Variants in C2CD3 observed in about 807,000 individuals in gnomAD.
The protein encoded by C2CD3 is C2 domain containing 3 centriole elongation regulator.
A neutral mutation model predicts 234.0 loss-of-function variants in C2CD3; 148 were observed. That is an observed-to-expected ratio of 0.63 (90% CI 0.55 to 0.72). The LOEUF (loss-of-function observed/expected upper bound fraction) is 0.72. Ranked by LOEUF, C2CD3 falls within the 30% of genes least tolerant of loss-of-function variation. C2CD3 has a pLI of 0.00. For synonymous variants in C2CD3, 1,000 were observed against 1,035.4 expected (o/e 0.97, Z 0.66); for missense variants, 2,577 against 2,811.5 (o/e 0.92, Z 1.89).
At chr11:74,077,700 CA>C (rs763284576) in intron 23 of C2CD3, among the ~76,000 whole-genome samples, 3 of 144,788 alleles carry the variant, frequency 2.1e-5, no homozygotes, top group Non-Finnish European at 3.0e-5. Flanking sequence ...ATGGGTGCAG[CA>C]AACCACCATG....
chr11:74,046,658 T>C lies in C2CD3; in HGVS notation c.5495+1547A>G, dbSNP rs1484886366. Reference sequence around the variant, plus strand: ...GTACTCTTTTTCGTCTAGCTTCTCTTCCTCAGCATAATTATTTTTATATTC... The same window carrying C: ...GTACTCTTTTTCGTCTAGCTTCTCTCCCTCAGCATAATTATTTTTATATTC... On this transcript the variant is annotated intron_variant, in intron 28 of 32. Transcript: ENST00000334126. 5.3e-5 allele frequency among the ~76,000 whole-genome samples: 8 copies of C among 152,320 alleles called. No individual in the cohort carries two copies. The East Asian group carries it at 1.5e-3, about 29-fold the overall frequency.
At chr11:74,116,337 A>G (rs1590847748) in intron 9 of C2CD3, among the ~76,000 whole-genome samples, 2 of 152,164 alleles carry the variant, frequency 1.3e-5, no homozygotes, top group East Asian at 3.8e-4. Context: ...CAATTCTCAA[A>G]AGAAGATATA....
At chr11:74,035,977 A>C (rs1409666784) in intron 30 of C2CD3, among the ~76,000 whole-genome samples, 1 of 152,056 alleles carries the variant, frequency 6.6e-6, no homozygotes, top group Non-Finnish European at 1.5e-5. Context: ...CTCGTGTCTC[A>C]GACTCCCAAG....
At chr11:74,150,503 AAAAAAAAAAAAAC>A (rs1240047458) in intron 3 of C2CD3, among the ~76,000 whole-genome samples, 3 of 109,204 alleles carry the variant, frequency 2.7e-5, no homozygotes, top group East Asian at 2.3e-4. Context: ...AAAAAAAAAA[AAAAAAAAAAAAAC>A]AAAAAAAAAA....
intron 5 of C2CD3, among the ~76,000 whole-genome samples, chr11:74,136,789 G>A (rs1385153596): frequency 2.6e-5 from 4 of 151,760 alleles, no homozygotes; most frequent in East Asian, 1.9e-4. Flanking sequence ...ATCACAGACC[G>A]GGACCTGTCG....
chr11:74,085,764 C>A lies in C2CD3; in HGVS notation c.3764G>T (p.Cys1255Phe). 1 of 1,614,144 alleles carries A rather than the reference C, an allele frequency of 6.2e-7. No homozygotes were observed. The highest frequency in any genetic ancestry group is 8.5e-7 in the Non-Finnish European group (1 of 1,180,024). ...ATGGGAGAACTCAGGGCAGAAAGAA[C>A]AGGCCACAGGGTGGGTTCGGCGCTG... ...GEQRRTHPVA[C>F]SFCPEFSHHV... Residue 1255 changes from cysteine (C) to phenylalanine (F), a missense_variant, in exon 21 of 33, where the codon TGT (cysteine) becomes TTT (phenylalanine). Coordinates refer to ENST00000334126, the MANE Select transcript of C2CD3 (RefSeq NM_001286577.2).
intron 26 of C2CD3, among the ~76,000 whole-genome samples, chr11:74,052,374 A>C (rs2135433327): frequency 6.6e-6 from 1 of 152,370 alleles, no homozygotes; most frequent in South Asian, 2.1e-4. Flanking sequence ...CAAGGCCAGT[A>C]CTATTATTCT....
At chr11:74,136,078 G>A (rs1297246796) in intron 5 of C2CD3, among the ~76,000 whole-genome samples, 1 of 151,274 alleles carries the variant, frequency 6.6e-6, no homozygotes, top group Non-Finnish European at 1.5e-5. Flanking sequence ...AATATACCCA[G>A]GAAAGAAACC....
chr11:74,066,852 C>T (rs565176093), intron 24 of C2CD3, among the ~76,000 whole-genome samples: 1 of 152,218 alleles, frequency 6.6e-6, no homozygotes, highest in Admixed American at 6.5e-5. Context: ...AACAATGATT[C>T]AGAGAAGAGT....
At chr11:74,026,550 GA>G (rs1208741796) in intron 32 of C2CD3, among the ~76,000 whole-genome samples, 1 of 152,144 alleles carries the variant, frequency 6.6e-6, no homozygotes, top group Non-Finnish European at 1.5e-5. Context: ...TGGCCTCTGG[GA>G]AAGCATATAA....
intron 32 of C2CD3, among the ~76,000 whole-genome samples, chr11:74,015,468 T>C (rs1459727137): frequency 6.6e-6 from 1 of 152,324 alleles, no homozygotes; most frequent in South Asian, 2.1e-4. Flanking sequence ...CTATTTGGGA[T>C]TTAGGATGAC....
intron 13 of C2CD3, among the ~76,000 whole-genome samples, chr11:74,103,863 A>G (rs1393412639): frequency 1.3e-5 from 2 of 152,222 alleles, no homozygotes; most frequent in East Asian, 1.9e-4. Context: ...GCCAGAATAT[A>G]AGATAGTTCC....
At position 74,085,904 on chromosome 11, in the gene C2CD3, G is replaced by A. The variant is rs1955623939; in HGVS notation, c.3642-18C>T. 6.3e-7 allele frequency: 1 copy of A among 1,591,870 alleles called. No homozygotes were observed. Among genetic ancestry groups the A allele is most frequent in the Non-Finnish European group, 8.6e-7 (1 of 1,166,360 alleles). ...CCAAAGCCCTGTAGAGGAGAAGGGT[G>A]GAAATGAGAAGATACCATGGTAACA... is the stretch of plus-strand genomic sequence containing the variant. On this transcript the variant is annotated intron_variant, in intron 20 of 32. Transcript: ENST00000334126.
chr11:74,061,592 C>G (rs1322674108), intron 24 of C2CD3, among the ~76,000 whole-genome samples: 2 of 152,278 alleles, frequency 1.3e-5, no homozygotes, highest in East Asian at 1.9e-4. Context: ...TTCTCACCAC[C>G]AGGCCTGCCT....
At chr11:74,068,197 G>A (rs1421459471) in intron 24 of C2CD3, among the ~76,000 whole-genome samples, 1 of 152,052 alleles carries the variant, frequency 6.6e-6, no homozygotes, top group Non-Finnish European at 1.5e-5. Flanking sequence ...GCTGGAGTGG[G>A]TTCCATTTCC....
intron 2 of C2CD3, among the ~76,000 whole-genome samples, chr11:74,166,169 G>A (rs1442590469): frequency 1.3e-5 from 2 of 152,020 alleles, no homozygotes; most frequent in Non-Finnish European, 2.9e-5. Flanking sequence ...AATTAGCTGG[G>A]TGTCGTGGCG....
At chr11:74,021,826 G>T (rs925064626) in intron 32 of C2CD3, among the ~76,000 whole-genome samples, 5 of 152,110 alleles carry the variant, frequency 3.3e-5, no homozygotes, top group Non-Finnish European at 7.4e-5. Flanking sequence ...AGTGAGACTG[G>T]TTAGAAATAG....
Position 74,049,428 on chromosome 11 carries a change from T to G in C2CD3, c.5270A>C (p.Gln1757Pro). Residue 1757 changes from glutamine to proline, a missense_variant, in exon 27 of 33, where the codon CAG (glutamine) becomes CCG (proline). Coordinates refer to ENST00000334126, the MANE Select transcript of C2CD3 (RefSeq NM_001286577.2). ...CAAAGGGGAGACAGCAACTTTTATC[T>G]GCCCCTGGCACTCTCCACTGAAGTC... is the stretch of plus-strand genomic sequence containing the variant. ...ITDFSGECQG[Q>P]IKVAVSPLES... The G allele has an allele frequency of 6.2e-7, 1 of 1,614,068 alleles. No homozygotes were observed. Among genetic ancestry groups the G allele is most frequent in the Non-Finnish European group, 8.5e-7 (1 of 1,179,996 alleles).
rs1221470918 is a variant in C2CD3, at chr11:74,168,555, G to A, written c.114C>T (p.Arg38=). Residue 38 remains arginine, a synonymous_variant, in exon 2 of 33, where the codon CGC becomes CGT. Transcript: ENST00000334126. ...TATTAACAGTAAGTTTTAGAAAACA[G>A]CGTAGCTGGCCTTCAACCAGAGGTG... ...SLPPLVEGQL[R]CFLKLTVNRV... 1.2e-6 allele frequency: 2 copies of A among 1,614,162 alleles called. No homozygotes were observed. The highest frequency in any genetic ancestry group is 3.3e-5 in the Admixed American group (2 of 60,030).
Sources: gnomAD v4.1 joint callset for allele counts (sites outside exome capture counted in the v4.1 genomes callset) on GRCh38, gnomAD v4.1.1 for gene constraint, MANE v1.5 for transcripts, NCBI Gene and HGNC (gene_info 2026-07-23, HGNC 2026-07-21) for gene names.